The following MAN1A1 variants were observed in gnomAD, a reference collection of about 807,000 sequenced individuals.
MAN1A1 encodes mannosidase alpha class 1A member 1, also known as mannosyl-oligosaccharide 1,2-alpha-mannosidase IA.
Under a neutral mutation model 70.8 loss-of-function variants are expected in MAN1A1, and 29 were observed. That is an observed-to-expected ratio of 0.41 (90% CI 0.31 to 0.56). MAN1A1 has a LOEUF of 0.56. MAN1A1 is among the 20% of genes least tolerant of loss of function. The pLI is 0.29. For synonymous variants in MAN1A1, 349 were observed against 330.1 expected, an observed-to-expected ratio of 1.06 and a Z score of -0.62; for missense variants, 747 against 841.3, an observed-to-expected ratio of 0.89 and a Z score of 1.39.
At chr6:119,316,454 C>G (rs961271323) in intron 2 of MAN1A1, among the ~76,000 whole-genome samples, 2 of 151,990 alleles carry the variant, frequency 1.3e-5, no homozygotes, top group African/African-American at 2.4e-5. Flanking sequence ...GAGTGAGCCA[C>G]CATGCCCAGC....
At chr6:119,210,370 G>C (rs532692711) in intron 6 of MAN1A1, among the ~76,000 whole-genome samples, 1 of 152,250 alleles carries the variant, frequency 6.6e-6, no homozygotes, top group East Asian at 1.9e-4. Context: ...AAAAAGGCGA[G>C]CAGAACTGAT....
intron 5 of MAN1A1, among the ~76,000 whole-genome samples, chr6:119,278,827 G>A (rs1426333369): frequency 6.6e-6 from 1 of 151,854 alleles, no homozygotes; most frequent in East Asian, 1.9e-4. Flanking sequence ...CTCTCTCTTG[G>A]TCCCTTCTCT....
At chr6:119,241,085 T>G (rs1252271170) in intron 6 of MAN1A1, among the ~76,000 whole-genome samples, 1 of 152,130 alleles carries the variant, frequency 6.6e-6, no homozygotes. Flanking sequence ...AGTTTCTAAT[T>G]AAAAATGCTT....
chr6:119,290,512 T>C (rs1332769958), intron 5 of MAN1A1, among the ~76,000 whole-genome samples, 171 bp downstream of exon 5: 1 of 152,030 alleles, frequency 6.6e-6, no homozygotes, highest in Non-Finnish European at 1.5e-5. Context: ...TTTCCCAGCT[T>C]GCTCATTTCA....
chr6:119,322,741 G>C (rs1773045964), intron 2 of MAN1A1, among the ~76,000 whole-genome samples: 1 of 152,192 alleles, frequency 6.6e-6, no homozygotes, highest in Non-Finnish European at 1.5e-5. Flanking sequence ...ATATTTCACT[G>C]ATAAAACTGT....
At chr6:119,313,363 T>A (rs1437444122) in intron 2 of MAN1A1, among the ~76,000 whole-genome samples, 1 of 152,140 alleles carries the variant, frequency 6.6e-6, no homozygotes, top group African/African-American at 2.4e-5. Flanking sequence ...ACCTTCTAGC[T>A]GTCATCACCC....
chr6:119,180,282 C>A (rs756267102), intron 12 of MAN1A1, 30 bp downstream of exon 12: 19 of 1,478,334 alleles, frequency 1.3e-5, no homozygotes, highest in Non-Finnish European at 1.7e-5. Context: ...GGTACCTTAG[C>A]CACATGGTTT....
chr6:119,314,217 C>A (rs1051417276), intron 2 of MAN1A1, among the ~76,000 whole-genome samples: 3 of 152,218 alleles, frequency 2.0e-5, no homozygotes, highest in Non-Finnish European at 4.4e-5. Flanking sequence ...TATCTCTTTG[C>A]CACAAATTAG....
intron 8 of MAN1A1, among the ~76,000 whole-genome samples, chr6:119,197,724 T>C (rs1773609712): frequency 6.6e-6 from 1 of 151,944 alleles, no homozygotes; most frequent in Non-Finnish European, 1.5e-5. Context: ...AATAAGTGTG[T>C]TTTCCTCTGG....
At chr6:119,317,091 T>A (rs1336085360) in intron 2 of MAN1A1, among the ~76,000 whole-genome samples, 1 of 152,116 alleles carries the variant, frequency 6.6e-6, no homozygotes, top group Non-Finnish European at 1.5e-5. Flanking sequence ...GACTTTTTTT[T>A]AAACAGAAGT....
intron 5 of MAN1A1, among the ~76,000 whole-genome samples, chr6:119,259,707 C>CA (rs542316018): frequency 8.5e-4 from 129 of 152,210 alleles, no homozygotes; most frequent in African/African-American, 3.0e-3. Flanking sequence ...GGCATCAATG[C>CA]AATTTTTGTC....
intron 6 of MAN1A1, among the ~76,000 whole-genome samples, chr6:119,231,203 T>C (rs1774665614): frequency 6.6e-6 from 1 of 152,094 alleles, no homozygotes; most frequent in East Asian, 1.9e-4. Flanking sequence ...TTTGAGACAA[T>C]GAATCTTGAA....
Position 119,204,798 on chromosome 6 carries a change from G to A in MAN1A1, c.1077C>T (p.His359=). ...EFGTLHLEFM[H]LSHLSGNPIF... ...TGGGGTTTCCTGATAAGTGGCTCAA[G>A]TGCATAAACTCCAAATGCAGGGTTC... Residue 359 remains histidine (H), a synonymous_variant, in exon 7 of 13, where the codon CAC becomes CAT. Coordinates refer to ENST00000368468, the MANE Select transcript of MAN1A1 (RefSeq NM_005907.4). 3 of 1,614,006 alleles carry A rather than the reference G, an allele frequency of 1.9e-6. No homozygotes were observed. The highest frequency in any genetic ancestry group is 2.5e-6 in the Non-Finnish European group (3 of 1,179,890).
At chr6:119,252,986 T>C (rs1470895870) in intron 5 of MAN1A1, among the ~76,000 whole-genome samples, 1 of 151,714 alleles carries the variant, frequency 6.6e-6, no homozygotes, top group African/African-American at 2.4e-5. Context: ...TTGAGGCAAG[T>C]TGGAAAGGTG....
rs748969992 is a variant in MAN1A1 at position 119,348,616 on chromosome 6, G to T, written c.450C>A (p.Ile150=). ...GGGCCACCTTCTTCTTCTCCAGTAG[G>T]ATGTCTCTTTGGATCTCCTCGGGCA... ...QKLPEEIQRD[I]LLEKKKVAQD... Residue 150 remains isoleucine (I), a synonymous_variant, in exon 2 of 13, where the codon ATC becomes ATA. Coordinates refer to ENST00000368468, the MANE Select transcript of MAN1A1 (RefSeq NM_005907.4). 19 of 1,613,834 alleles carry T rather than the reference G, an allele frequency of 1.2e-5. No homozygotes were observed. The highest frequency in any genetic ancestry group is 1.4e-5 in the Non-Finnish European group (17 of 1,179,930).
At chr6:119,349,926 G>A (rs1023352136), upstream of MAN1A1, among the ~76,000 whole-genome samples, 1 of 151,944 alleles carries the variant, frequency 6.6e-6, no homozygotes, top group African/African-American at 2.4e-5. Context: ...GCGCAGCCTC[G>A]GCGGGGCCCG....
intron 4 of MAN1A1, among the ~76,000 whole-genome samples, chr6:119,297,606 T>G (rs1251163780): frequency 2.0e-5 from 3 of 151,982 alleles, no homozygotes; most frequent in Non-Finnish European, 2.9e-5. Context: ...CACCTATTCA[T>G]CTATAAATAT....
At chr6:119,300,674 C>A (rs188582103) in intron 4 of MAN1A1, among the ~76,000 whole-genome samples, 1 of 152,174 alleles carries the variant, frequency 6.6e-6, no homozygotes, top group African/African-American at 2.4e-5. Context: ...AATCAAATAG[C>A]TCCATAACCT....
chr6:119,313,777 T>A (rs1370539094), intron 2 of MAN1A1, among the ~76,000 whole-genome samples: 1 of 152,092 alleles, frequency 6.6e-6, no homozygotes, highest in East Asian at 1.9e-4. Context: ...CTGAGTCCAC[T>A]GTCTGCTCTC....
Sources: allele counts gnomAD v4.1 joint callset (sites outside exome capture counted in the v4.1 genomes callset), GRCh38; gene constraint gnomAD v4.1.1; transcripts MANE v1.5; gene names NCBI Gene and HGNC (gene_info 2026-07-23, HGNC 2026-07-21).